Variants in ABCA13 observed in about 807,000 individuals in gnomAD.
ABCA13 encodes ATP binding cassette subfamily A member 13.
ABCA13 carries 476 observed loss-of-function variants against 478.7 expected under a neutral mutation model. The ratio of observed to expected loss-of-function variants is 0.99; its 90% CI spans 0.92 to 1.07. The LOEUF (loss-of-function observed/expected upper bound fraction) is 1.07. ABCA13 is among the 50% of genes least tolerant of loss of function. ABCA13 has a pLI of 0.00. For synonymous variants in ABCA13, 2,252 were observed against 2,158.9 expected (o/e 1.04, Z -1.20); for missense variants, 6,060 against 5,910.6 (o/e 1.03, Z -0.83).
At chr7:48,355,909 A>G (rs904240464) in intron 31 of ABCA13, among the ~76,000 whole-genome samples, 3 of 151,918 alleles carry the variant, frequency 2.0e-5, no homozygotes, top group African/African-American at 7.3e-5. Flanking sequence ...GGCTGGGACA[A>G]TGTATGGATC....
chr7:48,455,265 G>T lies in ABCA13; in HGVS notation c.12794G>T (p.Arg4265Leu). The T allele has an allele frequency of 6.2e-7, 1 of 1,605,554 alleles. No homozygotes were observed. The highest frequency in any genetic ancestry group is 1.1e-5 in the South Asian group (1 of 89,506). Residue 4265 changes from arginine to leucine, a missense_variant, in exon 43 of 62, where the codon CGG becomes CTG. Physicochemically the swap from Arg to Leu is moderately radical, Grantham distance 102 (BLOSUM62 -2). Transcript: ENST00000435803. ...PLRLTPGHYQ[R>L]AETYFFSSGG... ...AGACTCACACCTGGACATTACCAGC[G>T]GGCCGAGACCTACTTTTTCAGGTAA...
At chr7:48,290,552 G>A (rs1798363791) in intron 20 of ABCA13, among the ~76,000 whole-genome samples, 1 of 151,886 alleles carries the variant, frequency 6.6e-6, no homozygotes, top group Non-Finnish European at 1.5e-5. Flanking sequence ...TTGCTACTGG[G>A]GTAGAATGTG....
intron 3 of ABCA13, among the ~76,000 whole-genome samples, chr7:48,204,943 C>A (rs1784737222): frequency 6.6e-6 from 1 of 152,174 alleles, no homozygotes; most frequent in South Asian, 2.1e-4. Flanking sequence ...CCCCTCCTGA[C>A]CCAGCCACTT....
At chr7:48,285,800 A>C (rs992568566) in intron 19 of ABCA13, among the ~76,000 whole-genome samples, 3 of 152,224 alleles carry the variant, frequency 2.0e-5, no homozygotes, top group African/African-American at 7.2e-5. Flanking sequence ...AAGTGCTGTG[A>C]TATATAACAG....
intron 55 of ABCA13, among the ~76,000 whole-genome samples, chr7:48,550,036 T>C (rs919318845): frequency 2.6e-5 from 4 of 151,926 alleles, no homozygotes; most frequent in African/African-American, 9.7e-5. Context: ...GATGCTAGTT[T>C]CTTTTGCTGT....
At chr7:48,593,905 T>C (rs1432504069) in intron 57 of ABCA13, among the ~76,000 whole-genome samples, 2 of 152,100 alleles carry the variant, frequency 1.3e-5, no homozygotes, top group Non-Finnish European at 2.9e-5. Flanking sequence ...CCTGAAGATT[T>C]CTTCTGAAAA....
intron 42 of ABCA13, among the ~76,000 whole-genome samples, chr7:48,454,835 C>T (rs1394784711): frequency 2.0e-5 from 3 of 152,228 alleles, no homozygotes; most frequent in Non-Finnish European, 4.4e-5. Context: ...CTTCCTCTTG[C>T]ATTGCAGCCT....
In ABCA13 at chr7:48,524,438, G is replaced by C. The variant is rs769544399; in HGVS notation, c.14242G>C (p.Glu4748Gln). The C allele has an allele frequency of 1.9e-6, 3 of 1,602,718 alleles. No individual in the cohort carries two copies. The highest frequency in any genetic ancestry group is 2.6e-6 in the Non-Finnish European group (3 of 1,176,270). The stretch of plus-strand genomic sequence containing the variant: ...TATTAGTTTGGGCATACCAAAAGGA[G>C]AGGTAATGAAGCTTCTATTTTTAAT... ...QDISLGIPKG[E>Q]CFGLLGVNGA... Residue 4748 changes from glutamate to glutamine, a missense_variant and splice_region_variant, in exon 54 of 62, where the codon GAG becomes CAG. Glu to Gln is a conservative substitution (Grantham distance 29, BLOSUM62 2). Coordinates refer to ENST00000435803, the MANE Select transcript of ABCA13 (RefSeq NM_152701.5).
intron 19 of ABCA13, among the ~76,000 whole-genome samples, chr7:48,286,814 A>G (rs991386373): frequency 1.1e-4 from 16 of 152,286 alleles, no homozygotes; most frequent in Middle Eastern, 3.4e-3. Context: ...AGAACTTTTT[A>G]TAAAGGACTT....
At chr7:48,183,179 CTCTT>C (rs1562719101) in intron 1 of ABCA13, among the ~76,000 whole-genome samples, 2 of 152,212 alleles carry the variant, frequency 1.3e-5, no homozygotes, top group South Asian at 2.1e-4. Context: ...TTGAAAGGCT[CTCTT>C]TCTTTCTTAT....
In ABCA13 at chr7:48,489,301, T is replaced by C. The variant is rs1563341096; in HGVS notation, c.13248T>C (p.Ile4416=). Residue 4416 remains isoleucine, a synonymous_variant, in exon 48 of 62, where the codon ATT becomes ATC. Transcript: ENST00000435803. ...PSYLNHLNNL[I]LWQHLPPTVD... is the part of the protein sequence containing the mutation. ...ACTTAAATCATCTAAACAACCTTAT[T>C]TTGTGGCAGCACCTACCCCCTACTG... is the stretch of plus-strand genomic sequence containing the variant. The C allele has an allele frequency of 6.2e-7, 1 of 1,612,996 alleles. No individual in the cohort carries two copies. Among genetic ancestry groups the C allele is most frequent in the East Asian group, 2.2e-5 (1 of 44,854 alleles).
chr7:48,587,054 G>C, intron 56 of ABCA13, 100 bp from the exon 57 acceptor site: 1 of 1,506,956 alleles, frequency 6.6e-7, no homozygotes, highest in Non-Finnish European at 9.1e-7. Context: ...AAGGTCGGCA[G>C]GGTTAGTGGG....
At chr7:48,195,818 A>G (rs1263832882) in intron 2 of ABCA13, among the ~76,000 whole-genome samples, 2 of 152,142 alleles carry the variant, frequency 1.3e-5, no homozygotes, top group African/African-American at 2.4e-5. Flanking sequence ...TCTGCCTGGG[A>G]AGCACTGAAA....
intron 55 of ABCA13, among the ~76,000 whole-genome samples, chr7:48,578,655 C>G (rs1788415294): frequency 6.6e-6 from 1 of 152,080 alleles, no homozygotes; most frequent in South Asian, 2.1e-4. Flanking sequence ...TTTAACACAA[C>G]CCCAATCAAA....
chr7:48,232,595 T>C (rs1408225107), intron 7 of ABCA13, among the ~76,000 whole-genome samples: 1 of 152,192 alleles, frequency 6.6e-6, no homozygotes, highest in Non-Finnish European at 1.5e-5. Flanking sequence ...AGTGGCCTCA[T>C]GTGGCTTTAG....
intron 57 of ABCA13, among the ~76,000 whole-genome samples, chr7:48,589,339 G>T (rs914330174): frequency 1.3e-5 from 2 of 151,624 alleles, no homozygotes; most frequent in South Asian, 2.1e-4. Context: ...GAAACATCAG[G>T]GTTGGCTTAC....
chr7:48,299,708 T>C (rs943442728), intron 23 of ABCA13, among the ~76,000 whole-genome samples: 1 of 152,202 alleles, frequency 6.6e-6, no homozygotes, highest in East Asian at 1.9e-4. Context: ...AGTTTTATGA[T>C]ACTTTTTGGG....
At chr7:48,546,498 C>T (rs73694668) in intron 55 of ABCA13, among the ~76,000 whole-genome samples, 10,385 of 151,720 alleles carry the variant, frequency 0.068, 585 homozygotes, top group African/African-American at 0.12. Flanking sequence ...CCTGTACTTT[C>T]CAAATCTTGC....
intron 1 of ABCA13, among the ~76,000 whole-genome samples, chr7:48,178,975 C>CCAATGA (rs746825836): frequency 7.0e-6 from 1 of 142,076 alleles, no homozygotes; most frequent in East Asian, 2.1e-4. Flanking sequence ...AAAACAAAAA[C>CCAATGA]TAATAATAAT....
Sources: gnomAD v4.1 joint callset for allele counts (sites outside exome capture counted in the v4.1 genomes callset) on GRCh38, gnomAD v4.1.1 for gene constraint, MANE v1.5 for transcripts, NCBI Gene and HGNC (gene_info 2026-07-23, HGNC 2026-07-21) for gene names.